Variants in UNC5C observed in about 807,000 individuals in gnomAD.
The protein encoded by UNC5C is unc-5 netrin receptor C.
UNC5C carries 47 observed loss-of-function variants against 99.8 expected under a neutral mutation model. That is an observed-to-expected ratio of 0.47 (90% CI 0.37 to 0.60). The LOEUF (loss-of-function observed/expected upper bound fraction) is 0.60. Ranked by LOEUF, UNC5C falls within the 20% of genes least tolerant of loss-of-function variation. UNC5C has a pLI of 0.00. For missense variants in UNC5C, 1,062 were observed against 1,165.9 expected, an observed-to-expected ratio of 0.91 and a Z score of 1.30; for synonymous variants, 487 against 452.2, an observed-to-expected ratio of 1.08 and a Z score of -0.98.
chr4:95,171,208 C>G (rs1319505331), intron 14 of UNC5C, among the ~76,000 whole-genome samples: 1 of 151,454 alleles, frequency 6.6e-6, no homozygotes, highest in East Asian at 1.9e-4. Context: ...AATGCCATCT[C>G]TCTCTATTTT....
At chr4:95,533,532 AAT>A (rs1188247564) in intron 1 of UNC5C, among the ~76,000 whole-genome samples, 1 of 152,148 alleles carries the variant, frequency 6.6e-6, no homozygotes, top group East Asian at 1.9e-4. Flanking sequence ...CAAATGTTTG[AAT>A]ATGTTTACAT....
chr4:95,210,997 G>C (rs1266651441), intron 10 of UNC5C, among the ~76,000 whole-genome samples: 1 of 152,216 alleles, frequency 6.6e-6, no homozygotes, highest in Non-Finnish European at 1.5e-5. Flanking sequence ...GCAAAGCTAG[G>C]TAGGTTTCAA....
At chr4:95,370,449 C>T (rs1744710548) in intron 1 of UNC5C, among the ~76,000 whole-genome samples, 1 of 152,042 alleles carries the variant, frequency 6.6e-6, no homozygotes, top group Non-Finnish European at 1.5e-5. Context: ...CACCAATATG[C>T]TAGCAGGAAA....
chr4:95,364,609 A>G (rs2149436245), intron 1 of UNC5C, among the ~76,000 whole-genome samples: 1 of 152,318 alleles, frequency 6.6e-6, no homozygotes, highest in African/African-American at 2.4e-5. Flanking sequence ...AGTGACCCAG[A>G]GCCCAGGCTC....
chr4:95,314,304 C>T (rs1054503909), intron 2 of UNC5C, among the ~76,000 whole-genome samples: 1 of 152,148 alleles, frequency 6.6e-6, no homozygotes, highest in African/African-American at 2.4e-5. Context: ...ATTCTGAACA[C>T]TAGAAATGAG....
At chr4:95,541,514 A>G (rs1056012193) in intron 1 of UNC5C, among the ~76,000 whole-genome samples, 20 of 152,200 alleles carry the variant, frequency 1.3e-4, no homozygotes, top group Admixed American at 1.2e-3. Context: ...CTTTTATATC[A>G]CGTACCCCAT....
At chr4:95,544,616 A>G (rs1222854173) in intron 1 of UNC5C, among the ~76,000 whole-genome samples, 1 of 152,240 alleles carries the variant, frequency 6.6e-6, no homozygotes, top group East Asian at 1.9e-4. Context: ...TCTAACAAAT[A>G]GCATTCAGCC....
At chr4:95,468,136 T>G (rs866544819) in intron 1 of UNC5C, among the ~76,000 whole-genome samples, 6 of 151,450 alleles carry the variant, frequency 4.0e-5, no homozygotes, top group Admixed American at 3.3e-4. Flanking sequence ...GGGTTTTTTT[T>G]TTTTTTGTTT....
At chr4:95,366,977 T>A (rs1744592508) in intron 1 of UNC5C, among the ~76,000 whole-genome samples, 1 of 152,286 alleles carries the variant, frequency 6.6e-6, no homozygotes, top group Middle Eastern at 3.4e-3. Flanking sequence ...ATGTCTTGCA[T>A]TTGACTAGTC....
At position 95,545,750 on chromosome 4, in the gene UNC5C, T is replaced by G. The variant is rs1044683144; in HGVS notation, c.124+2984A>C. On this transcript the variant is annotated intron_variant, in intron 1 of 15. Transcript: ENST00000453304. ...GGGTCCTAATTCAGAAGCACACTGA[T>G]CTCACACACACGCGCGCGCGCGCAC... Among the ~76,000 whole-genome samples the G allele has an allele frequency of 2.8e-5, 4 of 144,726 alleles. No individual in the cohort carries two copies. In the South Asian group the frequency reaches 8.6e-4, roughly 31 times the overall value. The allele number at this position is 144,726 out of a possible 152,430, so 94.9% of individuals were successfully genotyped here. A position where few individuals can be genotyped will look rare whatever the true frequency, so the allele number is the denominator to read the frequency against.
At chr4:95,269,348 G>A (rs1237396952) in intron 4 of UNC5C, among the ~76,000 whole-genome samples, 1 of 152,182 alleles carries the variant, frequency 6.6e-6, no homozygotes, top group African/African-American at 2.4e-5. Context: ...GAGTGCAGTG[G>A]TGTGATGACG....
At chr4:95,501,793 C>T (rs139444272) in intron 1 of UNC5C, among the ~76,000 whole-genome samples, 3 of 152,132 alleles carry the variant, frequency 2.0e-5, no homozygotes, top group East Asian at 1.9e-4. Flanking sequence ...TTGAATTTCA[C>T]GTCTGATGCT....
At chr4:95,378,829 G>T in intron 1 of UNC5C, among the ~76,000 whole-genome samples, 1 of 152,114 alleles carries the variant, frequency 6.6e-6, no homozygotes, top group East Asian at 1.9e-4. Context: ...ATTTAAAGTT[G>T]CTTAGAAGTA....
chr4:95,482,051 T>C (rs1426883102), intron 1 of UNC5C, among the ~76,000 whole-genome samples: 7 of 152,054 alleles, frequency 4.6e-5, no homozygotes, highest in African/African-American at 1.7e-4. Context: ...GCAAAGAAAC[T>C]ACCATCAGAG....
intron 1 of UNC5C, among the ~76,000 whole-genome samples, chr4:95,376,611 G>A (rs565787372): frequency 7.9e-5 from 12 of 152,230 alleles, no homozygotes; most frequent in South Asian, 2.1e-4. Context: ...TTTTTATTAT[G>A]ATGACAACTG....
intron 1 of UNC5C, among the ~76,000 whole-genome samples, chr4:95,482,892 G>A (rs1721205477): frequency 7.5e-6 from 1 of 133,792 alleles, no homozygotes. Flanking sequence ...ATAGCATTAG[G>A]AGATATACCT....
chr4:95,203,554 C>T (rs942641807), intron 11 of UNC5C, among the ~76,000 whole-genome samples: 1 of 152,124 alleles, frequency 6.6e-6, no homozygotes, highest in Admixed American at 6.5e-5. Context: ...ACTGCAACCT[C>T]CGTCCCCTAG....
intron 1 of UNC5C, among the ~76,000 whole-genome samples, chr4:95,341,363 G>T (rs1387501324): frequency 6.6e-6 from 1 of 151,938 alleles, no homozygotes. Context: ...ATAGAAATAA[G>T]AAAGTGGATT....
At chr4:95,547,638 T>A (rs924698924) in intron 1 of UNC5C, among the ~76,000 whole-genome samples, 3 of 152,216 alleles carry the variant, frequency 2.0e-5, no homozygotes, top group African/African-American at 7.2e-5. Flanking sequence ...CTATCACCAC[T>A]GAAGTGGGCT....
Sources: allele counts gnomAD v4.1 joint callset (sites outside exome capture counted in the v4.1 genomes callset), GRCh38; gene constraint gnomAD v4.1.1; transcripts MANE v1.5; gene names NCBI Gene and HGNC (gene_info 2026-07-23, HGNC 2026-07-21).